Variants in EIF4EBP2 observed in about 807,000 individuals in gnomAD.
EIF4EBP2 encodes the protein eukaryotic translation initiation factor 4E-binding protein 2.
EIF4EBP2 carries 5 observed loss-of-function variants against 10.3 expected under a neutral mutation model. The observed-to-expected ratio is 0.48, with a 90% CI of 0.25 to 1.02. EIF4EBP2 has a LOEUF of 1.02. Ranked by LOEUF, EIF4EBP2 falls within the 50% of genes least tolerant of loss-of-function variation. The pLI is 0.15. For synonymous variants in EIF4EBP2, 67 were observed against 61.1 expected (o/e 1.10, Z -0.45); for missense variants, 188 against 162.2 (o/e 1.16, Z -0.86).
chr10:70,408,011 G>T (rs1844997531), intron 1 of EIF4EBP2, among the ~76,000 whole-genome samples: 1 of 95,380 alleles, frequency 1.0e-5, no homozygotes, highest in Non-Finnish European at 2.2e-5. Flanking sequence ...TCCCGGACGG[G>T]GCGGCTGGCC....
chr10:70,406,913 T>TTTA (rs1564659946), intron 1 of EIF4EBP2, among the ~76,000 whole-genome samples: 27 of 151,912 alleles, frequency 1.8e-4, no homozygotes, highest in Non-Finnish European at 3.4e-4. Flanking sequence ...TTATTTATTT[T>TTTA]TGGAGACGGA....
At chr10:70,408,810 T>C (rs914485208) in intron 1 of EIF4EBP2, among the ~76,000 whole-genome samples, 2 of 152,228 alleles carry the variant, frequency 1.3e-5, no homozygotes, top group African/African-American at 4.8e-5. Flanking sequence ...ACAGATAAGA[T>C]TTTTAGTTCT....
chr10:70,420,791 CTTTTG>C (rs759923596), intron 2 of EIF4EBP2, among the ~76,000 whole-genome samples: 1 of 151,968 alleles, frequency 6.6e-6, no homozygotes, highest in Non-Finnish European at 1.5e-5. Context: ...GACCTTGTTT[CTTTTG>C]TTTTGTTTTG....
chr10:70,420,843 G>A (rs1845148713), intron 2 of EIF4EBP2, among the ~76,000 whole-genome samples: 1 of 152,168 alleles, frequency 6.6e-6, no homozygotes, highest in South Asian at 2.1e-4. Flanking sequence ...TGCCCAGGCT[G>A]GAGTGCAGTG....
At chr10:70,418,253 C>G (rs559414704) in intron 1 of EIF4EBP2, among the ~76,000 whole-genome samples, 2 of 152,330 alleles carry the variant, frequency 1.3e-5, no homozygotes, top group African/African-American at 4.8e-5. Flanking sequence ...AGAGCCCTCA[C>G]CAGAAACCAT....
chr10:70,407,442 G>T (rs540470548), intron 1 of EIF4EBP2, among the ~76,000 whole-genome samples: 1 of 152,170 alleles, frequency 6.6e-6, no homozygotes, highest in East Asian at 1.9e-4. Context: ...TAAGGTCACA[G>T]ATCAACAGGA....
At chr10:70,405,272 C>G (rs936083315) in intron 1 of EIF4EBP2, among the ~76,000 whole-genome samples, 2 of 152,180 alleles carry the variant, frequency 1.3e-5, no homozygotes, top group African/African-American at 4.8e-5. Context: ...GGACCTTTGT[C>G]AAGGACACCC....
rs979271971 is a variant in EIF4EBP2 at position 70,425,875 on chromosome 10, A to G, written c.*4128A>G. The G allele has an allele frequency of 2.6e-5, 4 of 152,244 alleles. No individual in the cohort carries two copies. Among genetic ancestry groups the G allele is most frequent in the African/African-American group, 9.6e-5 (4 of 41,458 alleles). 9.4% of individuals were successfully genotyped at this position (152,244 alleles called of 1,614,324 possible). A position where few individuals can be genotyped will look rare whatever the true frequency, so the allele number is the denominator to read the frequency against. ...AGTTCACATTTAGGTGAAATAGATG[A>G]TGTTATCAGGAAGCCAGGTTCCCAC... On this transcript the variant is annotated 3_prime_UTR_variant, in exon 3 of 3. Coordinates refer to ENST00000373218, the MANE Select transcript of EIF4EBP2 (RefSeq NM_004096.5).
Position 70,420,070 on chromosome 10 carries a change from T to TG in EIF4EBP2, c.303dup (p.Asn102GlufsTer12). ...GTAGAAGTAAACAATTTGAACAACTTGAACAATCACGACAGGAAACATGCA... is the reference window on the plus strand; with the variant it reads ...GTAGAAGTAAACAATTTGAACAACTTGGAACAATCACGACAGGAAACATGCA... On this transcript the variant is annotated frameshift_variant, in exon 2 of 3. Coordinates refer to ENST00000373218, the MANE Select transcript of EIF4EBP2 (RefSeq NM_004096.5). LOFTEE classifies it high-confidence loss of function. 1 of 1,610,082 alleles carries TG rather than the reference T, an allele frequency of 6.2e-7. No homozygotes were observed. The highest frequency in any genetic ancestry group is 8.5e-7 in the Non-Finnish European group (1 of 1,178,716).
chr10:70,421,798 C>A lies in EIF4EBP2; in HGVS notation c.*51C>A. 1 of 1,575,656 alleles carries A rather than the reference C, an allele frequency of 6.3e-7. No homozygotes were observed. The highest frequency in any genetic ancestry group is 1.1e-5 in the South Asian group (1 of 89,850). On this transcript the variant is annotated 3_prime_UTR_variant, in exon 3 of 3. Transcript: ENST00000373218. Reference sequence around the variant, plus strand: ...GCAGCAACACTGATACTTGTGTGCACCTGATTTGGCCAATAGGATCAACAG... The same window carrying A: ...GCAGCAACACTGATACTTGTGTGCAACTGATTTGGCCAATAGGATCAACAG...
intron 2 of EIF4EBP2, among the ~76,000 whole-genome samples, chr10:70,421,227 A>T (rs983751338): frequency 5.3e-5 from 8 of 152,006 alleles, no homozygotes; most frequent in African/African-American, 1.7e-4. Flanking sequence ...TTTTTTCTTT[A>T]TCACTGTAGA....
At chr10:70,410,960 T>C (rs533225632) in intron 1 of EIF4EBP2, among the ~76,000 whole-genome samples, 1 of 152,364 alleles carries the variant, frequency 6.6e-6, no homozygotes, top group East Asian at 1.9e-4. Flanking sequence ...CCTGCTGCCC[T>C]AGCAGTGTTG....
chr10:70,426,657 A>G lies in EIF4EBP2; in HGVS notation c.*4910A>G, dbSNP rs1303117780. On this transcript the variant is annotated 3_prime_UTR_variant, in exon 3 of 3. Coordinates refer to ENST00000373218, the MANE Select transcript of EIF4EBP2 (RefSeq NM_004096.5). ...TCTGTAGCCCTGCTTGCTTGAGAGT[A>G]TACTTGGATAAGAAGTATTGCTGTT... The G allele has an allele frequency of 6.6e-6, 1 of 152,250 alleles. No individual in the cohort carries two copies. The highest frequency in any genetic ancestry group is 2.4e-5 in the African/African-American group (1 of 41,454). 9.4% of individuals were successfully genotyped at this position (152,250 alleles called of 1,614,324 possible).
chr10:70,415,526 T>C (rs1156561298), intron 1 of EIF4EBP2, among the ~76,000 whole-genome samples: 1 of 152,170 alleles, frequency 6.6e-6, no homozygotes, highest in Non-Finnish European at 1.5e-5. Context: ...CACTTTGTGG[T>C]TTCAAAACTT....
chr10:70,414,878 CAAAG>C (rs774869139), intron 1 of EIF4EBP2, among the ~76,000 whole-genome samples: 7 of 151,758 alleles, frequency 4.6e-5, no homozygotes, highest in Admixed American at 6.6e-5. Flanking sequence ...AAAGCAAAAA[CAAAG>C]AAAACTGGTC....
chr10:70,409,040 C>A (rs1262662310), intron 1 of EIF4EBP2, among the ~76,000 whole-genome samples: 1 of 152,142 alleles, frequency 6.6e-6, no homozygotes, highest in Non-Finnish European at 1.5e-5. Context: ...TCAGACTGAG[C>A]AGGGACATTC....
chr10:70,423,427 C>G lies in EIF4EBP2; in HGVS notation c.*1680C>G, dbSNP rs1016188604. 80 of 152,648 alleles carry G rather than the reference C, an allele frequency of 5.2e-4. No individual in the cohort carries two copies. Among genetic ancestry groups the G allele is most frequent in the Non-Finnish European group, 7.3e-5 (5 of 68,060 alleles). 9.5% of individuals were successfully genotyped at this position (152,648 alleles called of 1,614,324 possible). A position where few individuals can be genotyped will look rare whatever the true frequency, so the allele number is the denominator to read the frequency against. On this transcript the variant is annotated 3_prime_UTR_variant, in exon 3 of 3. Transcript: ENST00000373218. ...CTTTTGCATTCACCCTCCTTCCCAC[C>G]TACCTGTCCTGGGGCTGTTGAGCAG...
chr10:70,410,864 G>C (rs1399270443), intron 1 of EIF4EBP2, among the ~76,000 whole-genome samples: 1 of 152,172 alleles, frequency 6.6e-6, no homozygotes, highest in South Asian at 2.1e-4. Context: ...AGAATTCCTA[G>C]TAGAAATTGA....
In EIF4EBP2 at chr10:70,422,068, C is replaced by G. The variant is rs1845163169; in HGVS notation, c.*321C>G. ...CTAGTTGTTTTTTTATTGAGAGCCA[C>G]CCTCATACCCTGTAATTTTGTCCCA... is the stretch of plus-strand genomic sequence containing the variant. On this transcript the variant is annotated 3_prime_UTR_variant, in exon 3 of 3. Coordinates refer to ENST00000373218, the MANE Select transcript of EIF4EBP2 (RefSeq NM_004096.5). The G allele has an allele frequency of 1.3e-5, 4 of 313,762 alleles. No homozygotes were observed. The highest frequency in any genetic ancestry group is 1.8e-5 in the Non-Finnish European group (3 of 168,280). 19.4% of individuals were successfully genotyped at this position (313,762 alleles called of 1,614,324 possible). A position where few individuals can be genotyped will look rare whatever the true frequency, so the allele number is the denominator to read the frequency against.
Sources: allele counts gnomAD v4.1 joint callset (sites outside exome capture counted in the v4.1 genomes callset), GRCh38; gene constraint gnomAD v4.1.1; transcripts MANE v1.5; gene names NCBI Gene and HGNC (gene_info 2026-07-23, HGNC 2026-07-21).